The following SLF1 variants were observed in gnomAD, a reference collection of about 807,000 sequenced individuals.
SLF1 encodes the protein SMC5/6 complex localization factor 1.
In SLF1, 105 loss-of-function variants were observed where a neutral mutation model predicts 123.0. That is an observed-to-expected ratio of 0.85 (90% CI 0.73 to 1.00). The LOEUF (loss-of-function observed/expected upper bound fraction) is 1.00. Ranked by LOEUF, SLF1 falls within the 50% of genes least tolerant of loss-of-function variation. The pLI, the probability that SLF1 is intolerant of heterozygous loss-of-function variation, is 0.00. For missense variants in SLF1, 1,239 were observed against 1,223.0 expected (o/e 1.01, Z -0.20); for synonymous variants, 434 against 406.6 (o/e 1.07, Z -0.81).
At position 94,686,703 on chromosome 5, in the gene SLF1, C is replaced by T. The variant is rs1327377840; in HGVS notation, c.2106C>T (p.Leu702=). The change falls in exon 16 of 21, where the codon CTC becomes CTT. Residue 702 remains leucine (L), a synonymous_variant. Transcript: ENST00000265140. ...CTGGCAGTGTTTCTTCTGAGCCACTCTCTCTTCAGAAAATGGTAAGTACCT... is the reference window on the plus strand; with the variant it reads ...CTGGCAGTGTTTCTTCTGAGCCACTTTCTCTTCAGAAAATGGTAAGTACCT... The part of the protein sequence containing the change: ...QSSGSVSSEP[L]SLQKMVYSYL... The T allele has an allele frequency of 1.2e-6, 2 of 1,613,896 alleles. No homozygotes were observed. The highest frequency in any genetic ancestry group is 1.7e-6 in the Non-Finnish European group (2 of 1,179,914).
chr5:94,665,883 G>A lies in SLF1; in HGVS notation c.1391G>A (p.Gly464Asp). 4 of 1,546,642 alleles carry A rather than the reference G, an allele frequency of 2.6e-6. No individual in the cohort carries two copies. The highest frequency in any genetic ancestry group is 3.3e-4 in the Middle Eastern group (2 of 5,984). Residue 464 changes from glycine to aspartate, a missense_variant, in exon 12 of 21, where the codon GGT becomes GAT. Gly to Asp is a moderately conservative substitution (Grantham distance 94). Transcript: ENST00000265140. ...VLQDNIDTFS[G>D]RYFHILSALL... ...TAGGATAACATAGATACATTTTCTG[G>A]TCGATACTTTCATATATTGTCAGCT...
rs192352554 is a variant in SLF1, at chr5:94,679,272, T to C, written c.1975+317T>C. Among the ~76,000 whole-genome samples, 5 of 152,230 alleles carry C rather than the reference T, an allele frequency of 3.3e-5. No individual in the cohort carries two copies. The East Asian group carries it at 9.6e-4, about 29-fold the overall frequency. ...TTTCCTCTAAACATTACAGGAGACT[T>C]CCCCCCACATACATTTATTATTCAA... On this transcript the variant is annotated intron_variant, in intron 15 of 20. Transcript: ENST00000265140.
intron 4 of SLF1, among the ~76,000 whole-genome samples, chr5:94,636,237 G>A (rs1258411512): frequency 1.3e-5 from 2 of 152,170 alleles, no homozygotes; most frequent in East Asian, 1.9e-4. Context: ...ATTTTTGATA[G>A]TTTGATTATT....
intron 17 of SLF1, among the ~76,000 whole-genome samples, chr5:94,689,130 A>G (rs1198162963): frequency 6.6e-6 from 1 of 152,226 alleles, no homozygotes; most frequent in African/African-American, 2.4e-5. Context: ...TAGAATCAGA[A>G]TATGAAAGTA....
rs1744935990 is a variant in SLF1, at chr5:94,629,174, T to C, written c.190+7T>C. 1 of 1,545,590 alleles carries C rather than the reference T, an allele frequency of 6.5e-7. No individual in the cohort carries two copies. Reference sequence around the variant, plus strand: ...TTAGCAGCTTGTGCGGCAGGTAAGTTAACTGTCTTCCCCCAACTTTTAAAA... The same window carrying C: ...TTAGCAGCTTGTGCGGCAGGTAAGTCAACTGTCTTCCCCCAACTTTTAAAA... On this transcript the variant is annotated splice_region_variant and intron_variant, in intron 3 of 20. Coordinates refer to ENST00000265140, the MANE Select transcript of SLF1 (RefSeq NM_032290.4).
At chr5:94,650,111 T>C (rs1401320526) in intron 6 of SLF1, among the ~76,000 whole-genome samples, 1 of 152,156 alleles carries the variant, frequency 6.6e-6, no homozygotes, top group Non-Finnish European at 1.5e-5. Flanking sequence ...AGTACAACTT[T>C]TCAAATAGCA....
intron 9 of SLF1, among the ~76,000 whole-genome samples, chr5:94,661,829 G>C (rs1327266918): frequency 6.6e-6 from 1 of 152,092 alleles, no homozygotes. Context: ...GAGCCACAGC[G>C]CCCAGCCTCA....
chr5:94,668,364 C>T (rs552741986), intron 12 of SLF1, among the ~76,000 whole-genome samples: 23 of 152,174 alleles, frequency 1.5e-4, no homozygotes, highest in Admixed American at 1.2e-3. Context: ...GAAGAAGTTT[C>T]GCTCTGTTGC....
intron 16 of SLF1, among the ~76,000 whole-genome samples, chr5:94,686,977 C>T (rs987578566): frequency 1.7e-4 from 26 of 152,108 alleles, no homozygotes; most frequent in African/African-American, 4.8e-4. Context: ...TTAGTAGAGA[C>T]GGGGTCTCGA....
chr5:94,668,877 A>G lies in SLF1; in HGVS notation c.1533-1274A>G, dbSNP rs189918011. ...CATCAGGCCTATGACTTTCTTAAAG[A>G]GAGGTGCTCAGTCTTGTTTTTCTTT... On this transcript the variant is annotated intron_variant, in intron 12 of 20. Transcript: ENST00000265140. 5.4e-3 allele frequency among the ~76,000 whole-genome samples: 826 copies of G among 152,292 alleles called. 1 individual carries two copies. Among genetic ancestry groups the G allele is most frequent in the Admixed American group, 0.01 (157 of 15,298 alleles).
chr5:94,662,805 T>G (rs952032486), intron 10 of SLF1, among the ~76,000 whole-genome samples: 2 of 152,248 alleles, frequency 1.3e-5, no homozygotes, highest in African/African-American at 4.8e-5. Context: ...GGAATCGGGC[T>G]TGAGGCCCTT....
At position 94,670,863 on chromosome 5, in the gene SLF1, C is replaced by A. The variant is rs952663585; in HGVS notation, c.1682C>A (p.Ser561Tyr). The A allele has an allele frequency of 2.6e-6, 4 of 1,549,082 alleles. No individual in the cohort carries two copies. The African/African-American group carries it at 5.5e-5, about 21-fold the overall frequency. Residue 561 changes from serine to tyrosine, a missense_variant, in exon 14 of 21, where the codon TCT becomes TAT. Ser to Tyr is a moderately radical substitution (Grantham distance 144). Coordinates refer to ENST00000265140, the MANE Select transcript of SLF1 (RefSeq NM_032290.4). ...ATTAGGTTGTATGACTGGTCAGATT[C>A]TCAGAATCTGAAAATAACAGGAAAG... ...LSQKLYDWSD[S>Y]QNLKITGKAM...
chr5:94,681,863 G>C (rs1751820501), intron 15 of SLF1, among the ~76,000 whole-genome samples: 1 of 152,188 alleles, frequency 6.6e-6, no homozygotes, highest in Non-Finnish European at 1.5e-5. Flanking sequence ...TCAAGAGACA[G>C]AAATCCAGTG....
At chr5:94,666,594 G>C (rs7705424) in intron 12 of SLF1, among the ~76,000 whole-genome samples, 47,539 of 151,950 alleles carry the variant, frequency 0.31, 7,818 homozygotes, top group African/African-American at 0.39. Context: ...TTTTCCCCTT[G>C]CTATTCAAAT....
In SLF1 at chr5:94,665,929, T is replaced by G; in HGVS notation, c.1437T>G (p.Pro479=). 1 of 1,551,058 alleles carries G rather than the reference T, an allele frequency of 6.4e-7. No individual in the cohort carries two copies. The highest frequency in any genetic ancestry group is 2.0e-5 in the Admixed American group (1 of 51,010). The part of the protein sequence containing the change: ...ILSALLHLHP[P]WKSPAMSRYY... ...CAGCTCTTCTTCACCTGCATCCTCC[T>G]TGGAAGTCTCCAGCCATGTCGAGAT... The change falls in exon 12 of 21, where the codon CCT becomes CCG. Residue 479 remains proline (P), a synonymous_variant. Transcript: ENST00000265140.
intron 5 of SLF1, among the ~76,000 whole-genome samples, chr5:94,645,252 A>G (rs949469092): frequency 6.6e-6 from 1 of 152,196 alleles, no homozygotes; most frequent in African/African-American, 2.4e-5. Context: ...CTGAAATACT[A>G]CTGGTTAACC....
chr5:94,678,654 A>G (rs1751390001), intron 14 of SLF1, 154 bp from the exon 15 acceptor site: 2 of 596,938 alleles, frequency 3.4e-6, no homozygotes, highest in South Asian at 6.5e-5. Flanking sequence ...GGAGAGAATT[A>G]GTTAGCTAGG....
In SLF1 at chr5:94,684,880, G is replaced by A. The variant is rs539184165; in HGVS notation, c.1976-1693G>A. ...AAGCTGCCACAAGGCAAGGGCATCA[G>A]ATCTCTTTAGTCAAGGCAAGTTTCT... On this transcript the variant is annotated intron_variant, in intron 15 of 20. Coordinates refer to ENST00000265140, the MANE Select transcript of SLF1 (RefSeq NM_032290.4). 2.0e-5 allele frequency among the ~76,000 whole-genome samples: 3 copies of A among 152,312 alleles called. No individual in the cohort carries two copies. The South Asian group carries it at 6.2e-4, about 32-fold the overall frequency.
chr5:94,620,996 A>C (rs1791736572), intron 1 of SLF1, among the ~76,000 whole-genome samples: 1 of 152,178 alleles, frequency 6.6e-6, no homozygotes. Context: ...CATTAGACAA[A>C]AAGAGCACTC....
Sources: gnomAD v4.1 joint callset for allele counts (sites outside exome capture counted in the v4.1 genomes callset) on GRCh38, gnomAD v4.1.1 for gene constraint, MANE v1.5 for transcripts, NCBI Gene and HGNC (gene_info 2026-07-23, HGNC 2026-07-21) for gene names.